The following SYNDIG1 variants were observed in gnomAD, a reference collection of about 807,000 sequenced individuals.
The protein encoded by SYNDIG1 is synapse differentiation inducing 1, also known as synapse differentiation-inducing gene protein 1.
Under a neutral mutation model 19.4 loss-of-function variants are expected in SYNDIG1, and 9 were observed. That is an observed-to-expected ratio of 0.46 (90% CI 0.28 to 0.81). The LOEUF (loss-of-function observed/expected upper bound fraction) is 0.81, where lower values mean the gene tolerates loss of function less well. SYNDIG1 is among the 30% of genes least tolerant of loss of function. SYNDIG1 has a pLI of 0.12. For missense variants in SYNDIG1, 311 were observed against 343.3 expected, an observed-to-expected ratio of 0.91 and a Z score of 0.74; for synonymous variants, 141 against 145.9, an observed-to-expected ratio of 0.97 and a Z score of 0.24.
At chr20:24,632,603 G>A (rs1280871700) in intron 3 of SYNDIG1, among the ~76,000 whole-genome samples, 2 of 152,212 alleles carry the variant, frequency 1.3e-5, no homozygotes, top group Admixed American at 6.5e-5. Context: ...ATTTCAATGA[G>A]AGTTTTTCAA....
chr20:24,483,993 A>G (rs1268448551), intron 1 of SYNDIG1, among the ~76,000 whole-genome samples: 1 of 152,154 alleles, frequency 6.6e-6, no homozygotes, highest in African/African-American at 2.4e-5. Context: ...GATAGGGCAG[A>G]GGTCACAGAG....
rs879400105 is a variant in SYNDIG1 at position 24,524,662 on chromosome 20, T to A, written c.-78-18358T>A. 3.4e-3 allele frequency among the ~76,000 whole-genome samples: 518 copies of A among 150,878 alleles called. 1 individual carries two copies. The highest frequency in any genetic ancestry group is 4.8e-3 in the Non-Finnish European group (323 of 67,816). On this transcript the variant is annotated intron_variant, in intron 1 of 3. Coordinates refer to ENST00000376862, the MANE Select transcript of SYNDIG1 (RefSeq NM_024893.3). The stretch of plus-strand genomic sequence containing the variant: ...CTCTGTCTCAAAAAAAAAAAAAAAA[T>A]TTATCTTGTTAAGGATGATTTTTTC...
In SYNDIG1 at chr20:24,543,111, T is replaced by C. The variant is rs769963942; in HGVS notation, c.14T>C (p.Ile5Thr). 4.3e-6 allele frequency: 7 copies of C among 1,613,560 alleles called. No homozygotes were observed. The highest frequency in any genetic ancestry group is 2.2e-5 in the South Asian group (2 of 91,046). MDGI[I>T]EQKSMLVHSK... ...GGAGAGAGTACCATGGATGGCATCATTGAACAGAAGAGCATGCTGGTGCAC... is the reference window on the plus strand; with the variant it reads ...GGAGAGAGTACCATGGATGGCATCACTGAACAGAAGAGCATGCTGGTGCAC... The change falls in exon 2 of 4, where the codon ATT (isoleucine) becomes ACT (threonine). Residue 5 changes from isoleucine (I) to threonine (T), a missense_variant. Coordinates refer to ENST00000376862, the MANE Select transcript of SYNDIG1 (RefSeq NM_024893.3).
At chr20:24,544,299 C>G (rs561779909) in intron 2 of SYNDIG1, among the ~76,000 whole-genome samples, 12 of 152,156 alleles carry the variant, frequency 7.9e-5, no homozygotes, top group Non-Finnish European at 1.6e-4. Flanking sequence ...CATGGACTAG[C>G]GGTTTGCTGC....
chr20:24,659,765 A>C (rs1056521667), intron 3 of SYNDIG1, among the ~76,000 whole-genome samples: 1 of 152,214 alleles, frequency 6.6e-6, no homozygotes, highest in Non-Finnish European at 1.5e-5. Context: ...ATCTGTGTTC[A>C]GAGATGAAGT....
chr20:24,527,490 GTTCTT>G (rs1346153021), intron 1 of SYNDIG1, among the ~76,000 whole-genome samples: 3 of 149,858 alleles, frequency 2.0e-5, no homozygotes, highest in Non-Finnish European at 4.4e-5. Flanking sequence ...GTCCAGAGTT[GTTCTT>G]TTCTTCTCTT....
intron 1 of SYNDIG1, among the ~76,000 whole-genome samples, chr20:24,503,799 T>C (rs957294252): frequency 1.1e-4 from 16 of 152,192 alleles, no homozygotes; most frequent in Non-Finnish European, 1.8e-4. Flanking sequence ...AAGTGTGAGC[T>C]TCACAAGAAC....
At chr20:24,489,584 A>G (rs935925372) in intron 1 of SYNDIG1, among the ~76,000 whole-genome samples, 3 of 152,244 alleles carry the variant, frequency 2.0e-5, no homozygotes, top group African/African-American at 7.2e-5. Flanking sequence ...CACACACCAC[A>G]GTCACATGAC....
intron 2 of SYNDIG1, among the ~76,000 whole-genome samples, chr20:24,554,323 C>G (rs1003097939): frequency 6.6e-6 from 1 of 152,180 alleles, no homozygotes; most frequent in African/African-American, 2.4e-5. Flanking sequence ...ATTGCCCTGG[C>G]CAGTACTTCC....
intron 3 of SYNDIG1, among the ~76,000 whole-genome samples, chr20:24,641,654 C>A (rs192880256): frequency 6.6e-6 from 1 of 152,244 alleles, no homozygotes; most frequent in East Asian, 1.9e-4. Context: ...AGGACGTAAA[C>A]TAGTTAACAT....
intron 1 of SYNDIG1, among the ~76,000 whole-genome samples, chr20:24,513,923 C>G (rs2056805477): frequency 6.6e-6 from 1 of 152,222 alleles, no homozygotes; most frequent in African/African-American, 2.4e-5. Context: ...TAACACGGAT[C>G]TCTCGGCAGA....
chr20:24,621,984 C>T (rs958481502), intron 3 of SYNDIG1, among the ~76,000 whole-genome samples: 1 of 152,148 alleles, frequency 6.6e-6, no homozygotes, highest in African/African-American at 2.4e-5. Flanking sequence ...TACCATATGT[C>T]TATATTTCAA....
At chr20:24,500,646 A>G (rs890815897) in intron 1 of SYNDIG1, among the ~76,000 whole-genome samples, 3 of 151,850 alleles carry the variant, frequency 2.0e-5, no homozygotes, top group South Asian at 2.1e-4. Flanking sequence ...ACCCAAGCGC[A>G]CTGCTGTGTG....
rs949945992 is a variant in SYNDIG1, at chr20:24,591,706, C to T, written c.618+6713C>T. 1.4e-4 allele frequency among the ~76,000 whole-genome samples: 21 copies of T among 152,296 alleles called. 1 individual carries two copies. The highest frequency in any genetic ancestry group is 1.1e-3 in the Admixed American group (17 of 15,304). ...CACCTCGCACATAGTTGACATCACA[C>T]ACTTCTTGGGGCAGATGCAGATGAG... On this transcript the variant is annotated intron_variant, in intron 3 of 3. Transcript: ENST00000376862.
At chr20:24,475,150 C>T (rs1304117995) in intron 1 of SYNDIG1, among the ~76,000 whole-genome samples, 2 of 152,182 alleles carry the variant, frequency 1.3e-5, no homozygotes, top group African/African-American at 4.8e-5. Context: ...GGTACAGACC[C>T]TCAGCTAGCA....
In SYNDIG1 at chr20:24,489,430, T is replaced by C. The variant is rs985222010; in HGVS notation, c.-79+19677T>C. Among the ~76,000 whole-genome samples, 5 of 148,440 alleles carry C rather than the reference T, an allele frequency of 3.4e-5. No homozygotes were observed. The South Asian group carries it at 8.6e-4, about 26-fold the overall frequency. The stretch of plus-strand genomic sequence containing the variant: ...ACACAGACACATGGACACAGACACA[T>C]AGATACATGCACACACAGACACATG... On this transcript the variant is annotated intron_variant, in intron 1 of 3. Coordinates refer to ENST00000376862, the MANE Select transcript of SYNDIG1 (RefSeq NM_024893.3).
intron 3 of SYNDIG1, among the ~76,000 whole-genome samples, chr20:24,627,064 T>G (rs1321115327): frequency 5.2e-5 from 6 of 114,850 alleles, no homozygotes; most frequent in South Asian, 5.6e-4. Flanking sequence ...AGGGAGACCG[T>G]GGAAAGAGAG....
chr20:24,477,115 T>C (rs1471015343), intron 1 of SYNDIG1, among the ~76,000 whole-genome samples: 1 of 152,232 alleles, frequency 6.6e-6, no homozygotes, highest in African/African-American at 2.4e-5. Flanking sequence ...CTCGAGTTTC[T>C]GATTTGCCAC....
At chr20:24,600,022 T>C (rs1254883529) in intron 3 of SYNDIG1, among the ~76,000 whole-genome samples, 2 of 152,232 alleles carry the variant, frequency 1.3e-5, no homozygotes, top group Non-Finnish European at 2.9e-5. Context: ...TCTAACACAA[T>C]TTCAGAGGTA....
Sources: allele counts gnomAD v4.1 joint callset (sites outside exome capture counted in the v4.1 genomes callset), GRCh38; gene constraint gnomAD v4.1.1; transcripts MANE v1.5; gene names NCBI Gene and HGNC (gene_info 2026-07-23, HGNC 2026-07-21).